SPMIP2: variants seen among roughly 807,000 people sequenced by gnomAD.
SPMIP2 encodes the protein sperm microtubule inner protein 2.
chr4:159,040,492 G>C, the SPMIP2 span, among the ~76,000 whole-genome samples: 2 of 151,936 alleles, frequency 1.3e-5, no homozygotes, highest in African/African-American at 4.8e-5. Context: ...TTTTGAGACA[G>C]AGTCTCACTG....
At chr4:158,933,322 T>C in the SPMIP2 span, among the ~76,000 whole-genome samples, 1 of 152,238 alleles carries the variant, frequency 6.6e-6, no homozygotes, top group Non-Finnish European at 1.5e-5. Context: ...TTGATGATTT[T>C]TGCCAGTGTT....
the SPMIP2 span, among the ~76,000 whole-genome samples, chr4:158,961,803 T>C: frequency 0.015 from 2,298 of 152,250 alleles, 37 homozygotes; most frequent in Middle Eastern, 0.048. Context: ...TCTATCTTAA[T>C]TTATTAATGA....
chr4:159,072,090 A>G, the SPMIP2 span, among the ~76,000 whole-genome samples: 1 of 152,212 alleles, frequency 6.6e-6, no homozygotes, highest in African/African-American at 2.4e-5. Context: ...AGGTGGGTGG[A>G]TCACTTGGGC....
chr4:158,981,240 T>C, the SPMIP2 span, among the ~76,000 whole-genome samples: 2 of 152,188 alleles, frequency 1.3e-5, no homozygotes, highest in Non-Finnish European at 2.9e-5. Flanking sequence ...TTGGTGTACC[T>C]GAAAGTGACA....
chr4:159,013,357 C>G, the SPMIP2 span, among the ~76,000 whole-genome samples: 1 of 152,270 alleles, frequency 6.6e-6, no homozygotes, highest in East Asian at 1.9e-4. Flanking sequence ...ACATATGTAT[C>G]AGTTCCCTAG....
chr4:158,906,185 T>C, the SPMIP2 span: 2 of 152,236 alleles, frequency 1.3e-5, no homozygotes, highest in East Asian at 3.8e-4. Context: ...TTAAGTTCTG[T>C]AGTTCCATGA....
At chr4:159,076,288 C>G in the SPMIP2 span, among the ~76,000 whole-genome samples, 2 of 152,116 alleles carry the variant, frequency 1.3e-5, no homozygotes, top group African/African-American at 4.8e-5. Context: ...GCTCTTTTGA[C>G]CTATAGTTTT....
the SPMIP2 span, among the ~76,000 whole-genome samples, chr4:158,926,902 T>C: frequency 1.3e-5 from 2 of 152,096 alleles, no homozygotes; most frequent in African/African-American, 4.8e-5. Flanking sequence ...CTGGATACAA[T>C]GTTCACCATT....
chr4:158,934,904 T>C, the SPMIP2 span, among the ~76,000 whole-genome samples: 6 of 152,212 alleles, frequency 3.9e-5, no homozygotes, highest in South Asian at 6.2e-4. Flanking sequence ...TCTCCCTCGG[T>C]CTCTCCTTCC....
chr4:158,988,161 G>C, the SPMIP2 span, among the ~76,000 whole-genome samples: 95,129 of 151,342 alleles, frequency 0.63, 30,211 homozygotes, highest in Middle Eastern at 0.71. Flanking sequence ...ATAAATTCCT[G>C]GGCACATACA....
At chr4:158,918,857 G>A in the SPMIP2 span, among the ~76,000 whole-genome samples, 1 of 152,206 alleles carries the variant, frequency 6.6e-6, no homozygotes, top group Non-Finnish European at 1.5e-5. Context: ...TGATGGGTAG[G>A]TGTCAGGTGC....
At chr4:158,951,595 G>C in the SPMIP2 span, among the ~76,000 whole-genome samples, 2 of 152,260 alleles carry the variant, frequency 1.3e-5, no homozygotes, top group East Asian at 3.9e-4. Flanking sequence ...AGATGCAGGA[G>C]AGTGCTTTGT....
the SPMIP2 span, among the ~76,000 whole-genome samples, chr4:159,080,674 C>A: frequency 6.6e-6 from 1 of 152,106 alleles, no homozygotes; most frequent in African/African-American, 2.4e-5. Flanking sequence ...ATAGCTATAC[C>A]TCTTTTTAAA....
the SPMIP2 span, among the ~76,000 whole-genome samples, chr4:158,897,260 G>A: frequency 6.6e-6 from 1 of 152,148 alleles, no homozygotes; most frequent in Non-Finnish European, 1.5e-5. Context: ...ATTTCGGTTG[G>A]TTCCAAGTCT....
At chr4:158,990,138 A>T in the SPMIP2 span, among the ~76,000 whole-genome samples, 1 of 152,260 alleles carries the variant, frequency 6.6e-6, no homozygotes, top group Non-Finnish European at 1.5e-5. Flanking sequence ...GCTCATCATC[A>T]CTGGTCATTA....
At chr4:158,925,722 C>T in the SPMIP2 span, among the ~76,000 whole-genome samples, 1 of 152,228 alleles carries the variant, frequency 6.6e-6, no homozygotes, top group African/African-American at 2.4e-5. Flanking sequence ...TCACCTCCTC[C>T]TGTGTAGCTC....
the SPMIP2 span, among the ~76,000 whole-genome samples, chr4:158,920,814 C>A: frequency 6.6e-6 from 1 of 152,222 alleles, no homozygotes; most frequent in Admixed American, 6.5e-5. Context: ...CCTGTTCCCT[C>A]AGAAGCATGT....
chr4:158,905,149 C>T, the SPMIP2 span: 2 of 152,388 alleles, frequency 1.3e-5, no homozygotes, highest in African/African-American at 2.4e-5. Context: ...GGGAAGAGTG[C>T]TTTAGGGACC....
chr4:159,018,433 G>A, the SPMIP2 span, among the ~76,000 whole-genome samples: 1 of 152,226 alleles, frequency 6.6e-6, no homozygotes, highest in Non-Finnish European at 1.5e-5. Flanking sequence ...GCCACAGGCT[G>A]TGGCAAGCTC....
Sources: gnomAD v4.1 joint callset for allele counts (sites outside exome capture counted in the v4.1 genomes callset) on GRCh38, gnomAD v4.1.1 for gene constraint, MANE v1.5 for transcripts, NCBI Gene and HGNC (gene_info 2026-07-23, HGNC 2026-07-21) for gene names.